Variants in SEMA4F observed in about 807,000 individuals in gnomAD.
SEMA4F encodes semaphorin-4F.
SEMA4F carries 51 observed loss-of-function variants against 78.4 expected under a neutral mutation model. The ratio of observed to expected loss-of-function variants is 0.65; its 90% CI spans 0.52 to 0.82. The LOEUF is 0.82. SEMA4F is among the 40% of genes least tolerant of loss of function. SEMA4F has a pLI of 0.00. For missense variants in SEMA4F, 938 were observed against 1,014.4 expected, an observed-to-expected ratio of 0.92 and a Z score of 1.02; for synonymous variants, 418 against 408.7, an observed-to-expected ratio of 1.02 and a Z score of -0.27.
intron 2 of SEMA4F, 73 bp downstream of exon 2, chr2:74,656,758 T>TG: frequency 6.6e-7 from 1 of 1,505,466 alleles, no homozygotes; most frequent in Non-Finnish European, 9.1e-7. Flanking sequence ...TGAGTGTGTG[T>TG]GGGGGATTTC....
At chr2:74,656,810 T>G (rs1573223697) in intron 2 of SEMA4F, 125 bp downstream of exon 2, 4 of 956,040 alleles carry the variant, frequency 4.2e-6, no homozygotes, top group South Asian at 1.6e-5. Context: ...TAGGAGGGGG[T>G]GAGTTGGGAG....
rs775358827 is a variant in SEMA4F at position 74,675,261 on chromosome 2, C to T, written c.1249C>T (p.Pro417Ser). ...CCGGGACCACCCACTCATGGACAGG[C>T]CAGTGTTTCCAGCTGATGGCCACCC... is the stretch of plus-strand genomic sequence containing the variant. ...FIRDHPLMDR[P>S]VFPADGHPLL... Residue 417 changes from proline to serine, a missense_variant, in exon 10 of 14, where the codon CCA (proline) becomes TCA (serine). Coordinates refer to ENST00000357877, the MANE Select transcript of SEMA4F (RefSeq NM_004263.5). 1 of 1,614,074 alleles carries T rather than the reference C, an allele frequency of 6.2e-7. No individual in the cohort carries two copies. The highest frequency in any genetic ancestry group is 1.1e-5 in the South Asian group (1 of 91,086).
the SEMA4F span, among the ~76,000 whole-genome samples, chr2:74,708,652 C>T: frequency 6.6e-6 from 1 of 152,046 alleles, no homozygotes; most frequent in East Asian, 1.9e-4. Flanking sequence ...TATAATTCCC[C>T]CAAAGCCCAG....
intron 12 of SEMA4F, among the ~76,000 whole-genome samples, chr2:74,676,534 T>C (rs568971783): frequency 1.3e-5 from 2 of 152,294 alleles, no homozygotes; most frequent in Non-Finnish European, 2.9e-5. Flanking sequence ...TGTTTCCTCT[T>C]TCTCTCACAT....
intron 8 of SEMA4F, 96 bp from the exon 9 acceptor site, chr2:74,674,792 C>T: frequency 6.4e-7 from 1 of 1,553,488 alleles, no homozygotes; most frequent in South Asian, 1.2e-5. Context: ...CTGCATGGCT[C>T]CCTGTGCGTT....
intron 2 of SEMA4F, 114 bp from the exon 3 acceptor site, chr2:74,657,451 G>T (rs1573224882): frequency 1.1e-6 from 1 of 883,800 alleles, no homozygotes; most frequent in South Asian, 1.5e-5. Flanking sequence ...GCTCTAGGGG[G>T]ACTTTTGAAG....
chr2:74,665,548 T>A (rs1047521289), intron 5 of SEMA4F, among the ~76,000 whole-genome samples: 3 of 152,172 alleles, frequency 2.0e-5, no homozygotes, highest in African/African-American at 7.2e-5. Flanking sequence ...CTCTTTAGTC[T>A]TATAGTTAAT....
chr2:74,673,018 A>G (rs1685069281), intron 5 of SEMA4F, among the ~76,000 whole-genome samples: 1 of 152,192 alleles, frequency 6.6e-6, no homozygotes, highest in Admixed American at 6.5e-5. Flanking sequence ...TACGCCCACT[A>G]ATGTTCAGAA....
At chr2:74,659,953 A>G (rs1380272362) in intron 4 of SEMA4F, among the ~76,000 whole-genome samples, 2 of 152,202 alleles carry the variant, frequency 1.3e-5, no homozygotes, top group African/African-American at 2.4e-5. Context: ...CTTCAGTGAT[A>G]GCTCATTGGA....
the SEMA4F span, among the ~76,000 whole-genome samples, chr2:74,700,878 G>A: frequency 1.6e-3 from 249 of 152,320 alleles, no homozygotes; most frequent in South Asian, 3.5e-3. Flanking sequence ...GAGGTCTCTG[G>A]AGAATTCCTG....
downstream of SEMA4F, among the ~76,000 whole-genome samples, chr2:74,686,037 G>C (rs140800421): frequency 4.6e-5 from 7 of 151,580 alleles, no homozygotes; most frequent in African/African-American, 1.7e-4. Flanking sequence ...TTAGAATGGC[G>C]ATCATTAAAA....
chr2:74,664,839 C>T (rs1684600303), intron 5 of SEMA4F, among the ~76,000 whole-genome samples: 1 of 152,046 alleles, frequency 6.6e-6, no homozygotes, highest in Non-Finnish European at 1.5e-5. Context: ...ATATCTTTTC[C>T]TTTGTGATTG....
intron 2 of SEMA4F, 142 bp from the exon 3 acceptor site, chr2:74,657,423 C>T (rs1325929440): frequency 1.1e-5 from 7 of 647,360 alleles, no homozygotes; most frequent in Non-Finnish European, 1.9e-5. Context: ...GGGTGGGGAC[C>T]TCCATTTGAA....
At chr2:74,674,243 G>T (rs934444130) in intron 7 of SEMA4F, among the ~76,000 whole-genome samples, 2 of 152,146 alleles carry the variant, frequency 1.3e-5, no homozygotes, top group Admixed American at 1.3e-4. Context: ...GGTAACTTAC[G>T]TAAAACACAT....
At chr2:74,684,838 C>T (rs1221409179), downstream of SEMA4F, among the ~76,000 whole-genome samples, 2 of 152,204 alleles carry the variant, frequency 1.3e-5, no homozygotes, top group Non-Finnish European at 2.9e-5. Flanking sequence ...TGGCGCATGC[C>T]TGTAGTCCCA....
Position 74,673,533 on chromosome 2 carries a change from C to G in SEMA4F, c.627C>G (p.Ala209=). The change falls in exon 6 of 14, where the codon GCC becomes GCG. Residue 209 remains alanine, a synonymous_variant. Coordinates refer to ENST00000357877, the MANE Select transcript of SEMA4F (RefSeq NM_004263.5). ...EPIITRAVGR[A]EDWIRTDTLP... The stretch of plus-strand genomic sequence containing the variant: ...TTATCACCAGAGCAGTGGGTCGTGC[C>G]GAGGACTGGATTCGGACAGATACCT... The G allele has an allele frequency of 1.9e-6, 3 of 1,614,104 alleles. No homozygotes were observed. Among genetic ancestry groups the G allele is most frequent in the Non-Finnish European group, 2.5e-6 (3 of 1,180,028 alleles).
chr2:74,657,627 A>C lies in SEMA4F; in HGVS notation c.357+3A>C. On this transcript the variant is annotated splice_donor_region_variant and intron_variant, in intron 3 of 13. Coordinates refer to ENST00000357877, the MANE Select transcript of SEMA4F (RefSeq NM_004263.5). ...GTAGGAAGAAAGGCAAGAAAGAGGT[A>C]GGTGTAAATCTGAGCCCTGTCTTGA... is the stretch of plus-strand genomic sequence containing the variant. 1 of 1,614,052 alleles carries C rather than the reference A, an allele frequency of 6.2e-7. No homozygotes were observed. Among genetic ancestry groups the C allele is most frequent in the Non-Finnish European group, 8.5e-7 (1 of 1,179,866 alleles).
At position 74,656,657 on chromosome 2, in the gene SEMA4F, T is replaced by G; in HGVS notation, c.269T>G (p.Leu90Arg). The G allele has an allele frequency of 6.2e-7, 1 of 1,614,180 alleles. No homozygotes were observed. Among genetic ancestry groups the G allele is most frequent in the Non-Finnish European group, 8.5e-7 (1 of 1,180,030 alleles). The change falls in exon 2 of 14, where the codon CTG (leucine) becomes CGG (arginine). Residue 90 changes from leucine (L) to arginine (R), a missense_variant. Physicochemically the swap from Leu to Arg is moderately radical, Grantham distance 102. Coordinates refer to ENST00000357877, the MANE Select transcript of SEMA4F (RefSeq NM_004263.5). The stretch of plus-strand genomic sequence containing the variant: ...CGGGACACCATCTTCGCTTTATCCC[T>G]GCCCTTCTCAGGGGAGAGACCCCGC... ...GARDTIFALS[L>R]PFSGERPRRI...
At chr2:74,656,778 A>T (rs913622092) in intron 2 of SEMA4F, 93 bp downstream of exon 2, 4 of 1,347,478 alleles carry the variant, frequency 3.0e-6, no homozygotes, top group Non-Finnish European at 4.1e-6. Context: ...CATAATAACT[A>T]AAGATGTAAC....
Sources: gnomAD v4.1 joint callset for allele counts (sites outside exome capture counted in the v4.1 genomes callset) on GRCh38, gnomAD v4.1.1 for gene constraint, MANE v1.5 for transcripts, NCBI Gene and HGNC (gene_info 2026-07-23, HGNC 2026-07-21) for gene names.